Variants in ADAMTSL1 observed in about 807,000 individuals in gnomAD.
ADAMTSL1 encodes ADAMTS-like protein 1.
Under a neutral mutation model 201.8 loss-of-function variants are expected in ADAMTSL1, and 126 were observed. That is an observed-to-expected ratio of 0.62 (90% CI 0.54 to 0.72). The LOEUF (loss-of-function observed/expected upper bound fraction) is 0.72, where lower values mean the gene tolerates loss of function less well. ADAMTSL1 is among the 30% of genes least tolerant of loss of function. The probability of loss-of-function intolerance (pLI) is 0.00; values close to 1 mark genes in which losing one functional copy is unlikely to be tolerated. For missense variants in ADAMTSL1, 2,679 were observed against 2,277.8 expected, an observed-to-expected ratio of 1.18 and a Z score of -3.59; for synonymous variants, 1,121 against 903.4, an observed-to-expected ratio of 1.24 and a Z score of -4.32.
chr9:18,758,408 A>ATTAC (rs1454730628), intron 16 of ADAMTSL1, among the ~76,000 whole-genome samples: 17 of 152,324 alleles, frequency 1.1e-4, no homozygotes, highest in Admixed American at 2.0e-4. Context: ...GCTTAAAACA[A>ATTAC]CACAAACTTA....
chr9:18,088,188 A>G (rs1473034113), intron 1 of ADAMTSL1, among the ~76,000 whole-genome samples: 1 of 152,188 alleles, frequency 6.6e-6, no homozygotes, highest in African/African-American at 2.4e-5. Flanking sequence ...GAACAAGTGG[A>G]TATTTATATG....
chr9:18,141,024 T>A (rs1332427310), intron 1 of ADAMTSL1, among the ~76,000 whole-genome samples: 1 of 152,192 alleles, frequency 6.6e-6, no homozygotes, highest in Non-Finnish European at 1.5e-5. Context: ...TTTATATGAA[T>A]GTATCATGTG....
At chr9:18,895,348 C>G (rs1272138546) in intron 26 of ADAMTSL1, among the ~76,000 whole-genome samples, 1 of 152,164 alleles carries the variant, frequency 6.6e-6, no homozygotes, top group Non-Finnish European at 1.5e-5. Flanking sequence ...TCTACAGCAA[C>G]CAAGCAAACA....
At chr9:18,733,851 G>A (rs1052688750) in intron 15 of ADAMTSL1, among the ~76,000 whole-genome samples, 1 of 151,774 alleles carries the variant, frequency 6.6e-6, no homozygotes, top group Non-Finnish European at 1.5e-5. Context: ...CACTTGTACG[G>A]GGTACAGTCT....
intron 2 of ADAMTSL1, among the ~76,000 whole-genome samples, chr9:18,406,303 T>TCTTTTCTTTTCTTTTCTTTTCTTTC (rs1818195943): frequency 1.8e-5 from 2 of 110,842 alleles, no homozygotes; most frequent in African/African-American, 6.2e-5. Context: ...TCTTTTCTTT[T>TCTTTTCTTTTCTTTTCTTTTCTTTC]CTTTTCTTTT....
intron 23 of ADAMTSL1, among the ~76,000 whole-genome samples, chr9:18,866,121 A>AAAAAAAAAAAAAAAAAAAAAAAT: frequency 6.6e-6 from 1 of 150,442 alleles, no homozygotes. Flanking sequence ...AAAACCAAAA[A>AAAAAAAAAAAAAAAAAAAAAAAT]AAAAAAAAAT....
chr9:18,657,468 C>T, intron 7 of ADAMTSL1, 171 bp from the exon 8 acceptor site: 1 of 577,886 alleles, frequency 1.7e-6, no homozygotes, highest in Non-Finnish European at 3.1e-6. Flanking sequence ...AAGGACCATT[C>T]ACTGGTAAAA....
chr9:18,757,691 T>C (rs1588054062), intron 16 of ADAMTSL1, among the ~76,000 whole-genome samples: 1 of 152,224 alleles, frequency 6.6e-6, no homozygotes, highest in East Asian at 1.9e-4. Context: ...TGAAGCCACA[T>C]GGTGTTCAGG....
chr9:17,957,142 A>G (rs575432245), intron 1 of ADAMTSL1, among the ~76,000 whole-genome samples: 68 of 152,336 alleles, frequency 4.5e-4, no homozygotes, highest in African/African-American at 1.6e-3. Context: ...ATTGAATTAA[A>G]AAACGGATGG....
chr9:18,014,778 T>C (rs1277644312), intron 1 of ADAMTSL1, among the ~76,000 whole-genome samples: 3 of 151,866 alleles, frequency 2.0e-5, no homozygotes, highest in Non-Finnish European at 4.4e-5. Context: ...TCATCCAGAG[T>C]GGTGTCAGCT....
chr9:17,964,798 C>T (rs994538639), intron 1 of ADAMTSL1, among the ~76,000 whole-genome samples: 2 of 152,110 alleles, frequency 1.3e-5, no homozygotes, highest in African/African-American at 4.8e-5. Context: ...AGTTTTATTT[C>T]GTGGCTTTCT....
intron 8 of ADAMTSL1, among the ~76,000 whole-genome samples, chr9:18,661,453 A>G (rs1212913123): frequency 6.6e-6 from 1 of 152,084 alleles, no homozygotes; most frequent in Admixed American, 6.5e-5. Context: ...GTGGAACCTG[A>G]TCCTGTGCTG....
intron 2 of ADAMTSL1, among the ~76,000 whole-genome samples, chr9:18,279,209 A>G (rs1832695126): frequency 6.6e-6 from 1 of 152,194 alleles, no homozygotes; most frequent in African/African-American, 2.4e-5. Flanking sequence ...CATTCATAAT[A>G]TAATCCTAGT....
intron 1 of ADAMTSL1, among the ~76,000 whole-genome samples, chr9:18,097,967 G>T (rs574216767): frequency 6.6e-6 from 1 of 151,460 alleles, no homozygotes. Flanking sequence ...TTAGCTTTTA[G>T]GTTTAGGTTA....
At chr9:18,261,164 A>C (rs547760435) in intron 2 of ADAMTSL1, among the ~76,000 whole-genome samples, 1 of 152,020 alleles carries the variant, frequency 6.6e-6, no homozygotes, top group East Asian at 1.9e-4. Context: ...CCAGCAACAC[A>C]GGAGTAGGGT....
chr9:18,173,974 T>C (rs1372381142), intron 2 of ADAMTSL1, among the ~76,000 whole-genome samples: 2 of 152,170 alleles, frequency 1.3e-5, no homozygotes, highest in Non-Finnish European at 2.9e-5. Context: ...GAGTTAATGT[T>C]AAACAAACTA....
intron 17 of ADAMTSL1, among the ~76,000 whole-genome samples, chr9:18,772,443 C>A (rs1000874848): frequency 2.0e-5 from 3 of 152,002 alleles, no homozygotes; most frequent in Non-Finnish European, 4.4e-5. Flanking sequence ...CCCATTGGTC[C>A]CATTAAGTAC....
At chr9:18,473,853 C>G (rs935747418), upstream of ADAMTSL1, 4 of 261,128 alleles carry the variant, frequency 1.5e-5, no homozygotes, top group Non-Finnish European at 2.2e-5. Context: ...ATGGGAAGCA[C>G]AGTGCTTGGC....
At chr9:18,506,336 A>G (rs1327937341) in intron 2 of ADAMTSL1, among the ~76,000 whole-genome samples, 2 of 152,240 alleles carry the variant, frequency 1.3e-5, no homozygotes, top group East Asian at 3.8e-4. Context: ...GCCAAAAAGT[A>G]TAAATTTAGA....
Sources: allele counts gnomAD v4.1 joint callset (sites outside exome capture counted in the v4.1 genomes callset), GRCh38; gene constraint gnomAD v4.1.1; transcripts MANE v1.5; gene names NCBI Gene and HGNC (gene_info 2026-07-23, HGNC 2026-07-21).